RCBTB1: variants seen among roughly 807,000 people sequenced by gnomAD.
RCBTB1 encodes the protein RCC1 and BTB domain-containing protein 1.
A neutral mutation model predicts 62.4 loss-of-function variants in RCBTB1; 46 were observed. The ratio of observed to expected loss-of-function variants is 0.74; its 90% CI spans 0.58 to 0.94. RCBTB1 has a LOEUF of 0.94. RCBTB1 is among the 40% of genes least tolerant of loss of function. RCBTB1 has a pLI of 0.00. For missense variants in RCBTB1, 565 were observed against 654.9 expected (o/e 0.86, Z 1.50); for synonymous variants, 222 against 245.8 (o/e 0.90, Z 0.91).
chr13:49,566,950 A>G (rs1266602372), intron 3 of RCBTB1, among the ~76,000 whole-genome samples, 182 bp from the exon 4 acceptor site: 1 of 152,212 alleles, frequency 6.6e-6, no homozygotes, highest in Non-Finnish European at 1.5e-5. Context: ...ATGTTTGTCT[A>G]TATTATGAAA....
chr13:49,541,109 T>C, intron 11 of RCBTB1, 103 bp from the exon 12 acceptor site: 2 of 935,300 alleles, frequency 2.1e-6, no homozygotes, highest in South Asian at 1.8e-5. Context: ...ATTAGAAGTT[T>C]CTTAGTGGAT....
chr13:49,552,310 G>C (rs775140891), intron 6 of RCBTB1, 25 bp from the exon 7 acceptor site: 2 of 1,489,512 alleles, frequency 1.3e-6, no homozygotes, highest in East Asian at 4.6e-5. Flanking sequence ...AAGGGAGAGA[G>C]TGAGATTTTT....
Position 49,533,972 on chromosome 13 carries a change from TG to T in RCBTB1, c.*149del. ...CAAGAAAAGCCGTACACCCTTGTTATGTTCCTACACAAACAACTGTGTCCCA... is the reference window on the plus strand; with the variant it reads ...CAAGAAAAGCCGTACACCCTTGTTATTTCCTACACAAACAACTGTGTCCCA... On this transcript the variant is annotated 3_prime_UTR_variant, in exon 13 of 13. Coordinates refer to ENST00000378302, the MANE Select transcript of RCBTB1 (RefSeq NM_018191.4). The T allele has an allele frequency of 2.8e-6, 2 of 706,502 alleles. No homozygotes were observed. Among genetic ancestry groups the T allele is most frequent in the Non-Finnish European group, 4.6e-6 (2 of 435,700 alleles). The allele number at this position is 706,502 out of a possible 1,614,324, so 43.8% of individuals were successfully genotyped here.
chr13:49,567,752 G>C (rs1417467109), intron 2 of RCBTB1, among the ~76,000 whole-genome samples: 1 of 152,140 alleles, frequency 6.6e-6, no homozygotes, highest in Non-Finnish European at 1.5e-5. Flanking sequence ...CTTCCCACCA[G>C]CACCAACTTG....
Position 49,560,042 on chromosome 13 carries a change from A to G in RCBTB1, c.320T>C (p.Leu107Pro), listed in dbSNP as rs762289480. The change falls in exon 5 of 13, where the codon CTT becomes CCT. Residue 107 changes from leucine to proline, a missense_variant. Coordinates refer to ENST00000378302, the MANE Select transcript of RCBTB1 (RefSeq NM_018191.4). ...YAWGHNGYSQ[L>P]GNGTTNQGIA... ...GCCTTGGTTGGTCGTCCCATTCCCA[A>G]GCTGGCTATATCCATTGTGGCCCCA... The G allele has an allele frequency of 6.2e-7, 1 of 1,614,058 alleles. No homozygotes were observed. The highest frequency in any genetic ancestry group is 1.7e-5 in the Admixed American group (1 of 59,988).
intron 12 of RCBTB1, among the ~76,000 whole-genome samples, chr13:49,536,814 T>C (rs1351695955): frequency 6.6e-6 from 1 of 152,216 alleles, no homozygotes; most frequent in Non-Finnish European, 1.5e-5. Flanking sequence ...GCAAATGAGA[T>C]AAAATACCAG....
At chr13:49,553,190 G>A (rs1249578166) in intron 6 of RCBTB1, among the ~76,000 whole-genome samples, 4 of 152,058 alleles carry the variant, frequency 2.6e-5, no homozygotes, top group African/African-American at 4.8e-5. Flanking sequence ...TAGAAGGAAA[G>A]GCAAGAGCTC....
chr13:49,543,573 G>T (rs1419984781), intron 10 of RCBTB1, among the ~76,000 whole-genome samples: 1 of 152,188 alleles, frequency 6.6e-6, no homozygotes, highest in Non-Finnish European at 1.5e-5. Context: ...TTTCCAAAAA[G>T]ACTTGTAAAT....
chr13:49,567,108 T>G, intron 3 of RCBTB1, 46 bp downstream of exon 3: 1 of 1,597,334 alleles, frequency 6.3e-7, no homozygotes. Flanking sequence ...GAAGACCAAT[T>G]GCCAAATAAG....
intron 10 of RCBTB1, among the ~76,000 whole-genome samples, chr13:49,542,304 C>T (rs535111926): frequency 2.6e-5 from 4 of 152,120 alleles, no homozygotes; most frequent in African/African-American, 9.6e-5. Context: ...AAAAACATTC[C>T]ACATGCAAGT....
intron 4 of RCBTB1, among the ~76,000 whole-genome samples, chr13:49,564,099 C>T (rs1414777956): frequency 2.0e-5 from 3 of 152,136 alleles, no homozygotes; most frequent in Non-Finnish European, 4.4e-5. Context: ...ATCGATTACA[C>T]ACACATACAA....
At position 49,582,213 on chromosome 13, in the gene RCBTB1, G is replaced by A. The variant is rs569133521; in HGVS notation, c.-121-1629C>T. On this transcript the variant is annotated intron_variant, in intron 1 of 12. Coordinates refer to ENST00000378302, the MANE Select transcript of RCBTB1 (RefSeq NM_018191.4). The stretch of plus-strand genomic sequence containing the variant: ...CAGAAGTGCAACAGAAGCGCCGGGC[G>A]CAGTGGCTCATGCCTGTAATCCCAG... 5.9e-5 allele frequency among the ~76,000 whole-genome samples: 9 copies of A among 152,266 alleles called. No homozygotes were observed. The South Asian group carries it at 1.5e-3, about 25-fold the overall frequency.
At chr13:49,573,168 GTTAGC>G (rs1963527044) in intron 2 of RCBTB1, among the ~76,000 whole-genome samples, 1 of 152,158 alleles carries the variant, frequency 6.6e-6, no homozygotes, top group South Asian at 2.1e-4. Context: ...GTAAGACTTA[GTTAGC>G]TTAGCTATGT....
intron 9 of RCBTB1, chr13:49,547,294 T>A: frequency 1.9e-5 from 12 of 647,836 alleles, no homozygotes; most frequent in Non-Finnish European, 2.7e-5. Flanking sequence ...CTTGCCTCCA[T>A]GCCCATGACT....
intron 12 of RCBTB1, 45 bp from the exon 13 acceptor site, chr13:49,534,307 A>T: frequency 1.3e-6 from 2 of 1,588,978 alleles, no homozygotes; most frequent in Non-Finnish European, 1.7e-6. Context: ...TTTTTTAGGC[A>T]ACTTTGATTG....
chr13:49,536,410 C>A (rs1959948137), intron 12 of RCBTB1, among the ~76,000 whole-genome samples: 1 of 152,178 alleles, frequency 6.6e-6, no homozygotes, highest in Non-Finnish European at 1.5e-5. Context: ...CTTTGATGAG[C>A]AAGTTAGACA....
At chr13:49,534,749 C>A (rs761593909) in intron 12 of RCBTB1, among the ~76,000 whole-genome samples, 5 of 152,136 alleles carry the variant, frequency 3.3e-5, no homozygotes, top group Non-Finnish European at 5.9e-5. Context: ...AAAAGAAAAT[C>A]CCAGCCGGGC....
At chr13:49,539,710 AG>A (rs1960207855) in intron 12 of RCBTB1, among the ~76,000 whole-genome samples, 1 of 152,248 alleles carries the variant, frequency 6.6e-6, no homozygotes, top group South Asian at 2.1e-4. Flanking sequence ...CAGGAAGGAC[AG>A]GAAAAAAATC....
At chr13:49,559,336 A>C (rs550286932) in intron 5 of RCBTB1, among the ~76,000 whole-genome samples, 1 of 150,190 alleles carries the variant, frequency 6.7e-6, no homozygotes, top group African/African-American at 2.5e-5. Context: ...TGAGGTACCT[A>C]GAGTAATCAA....
Sources: gnomAD v4.1 joint callset for allele counts (sites outside exome capture counted in the v4.1 genomes callset) on GRCh38, gnomAD v4.1.1 for gene constraint, MANE v1.5 for transcripts, NCBI Gene and HGNC (gene_info 2026-07-23, HGNC 2026-07-21) for gene names.